The following ARL5A variants were observed in gnomAD, a reference collection of about 807,000 sequenced individuals.
ARL5A encodes ADP-ribosylation factor-like protein 5A.
In ARL5A, 18 loss-of-function variants were observed where a neutral mutation model predicts 25.9. The ratio of observed to expected loss-of-function variants is 0.69; its 90% CI spans 0.48 to 1.03. The LOEUF is 1.03. ARL5A is among the 50% of genes least tolerant of loss of function. The pLI is 0.00. For missense variants in ARL5A, 170 were observed against 211.9 expected (o/e 0.80, Z 1.23); for synonymous variants, 61 against 67.5 (o/e 0.90, Z 0.47).
Position 151,800,762 on chromosome 2 carries a change from T to C in ARL5A, c.*2514A>G, listed in dbSNP as rs565466130. 6 of 152,528 alleles carry C rather than the reference T, an allele frequency of 3.9e-5. No individual in the cohort carries two copies. Among genetic ancestry groups the C allele is most frequent in the African/African-American group, 1.4e-4 (6 of 41,598 alleles). The allele number at this position is 152,528 out of a possible 1,614,324, so 9.4% of individuals were successfully genotyped here. A position where few individuals can be genotyped will look rare whatever the true frequency, so the allele number is the denominator to read the frequency against. ...AAATGCTTATAGCATATGGTTACTT[T>C]TGCCCAGATATCAAAAGAAGTTACA... On this transcript the variant is annotated 3_prime_UTR_variant, in exon 6 of 6. Coordinates refer to ENST00000295087, the MANE Select transcript of ARL5A (RefSeq NM_012097.4).
chr2:151,820,328 T>C (rs1274289248), intron 1 of ARL5A, among the ~76,000 whole-genome samples: 4 of 152,004 alleles, frequency 2.6e-5, no homozygotes, highest in African/African-American at 7.2e-5. Context: ...GAAGGCACAC[T>C]GGAGAGAGAA....
At chr2:151,815,085 C>A in intron 2 of ARL5A, 54 bp downstream of exon 2, 1 of 1,371,352 alleles carries the variant, frequency 7.3e-7, no homozygotes, top group South Asian at 1.3e-5. Context: ...GACTATCACC[C>A]AGGCCAAAAA....
At chr2:151,804,331 G>A (rs2099829809) in intron 5 of ARL5A, among the ~76,000 whole-genome samples, 1 of 152,080 alleles carries the variant, frequency 6.6e-6, no homozygotes, top group Admixed American at 6.6e-5. Context: ...AGAGAGAAAT[G>A]GTTGTACACA....
chr2:151,814,320 G>T lies in ARL5A; in HGVS notation c.108-4C>A. ...ATGTACAACTTCATTCATAGAACTGGGGAAAAAAGTTTATATACATTACAA... is the reference window on the plus strand; with the variant it reads ...ATGTACAACTTCATTCATAGAACTGTGGAAAAAAGTTTATATACATTACAA... On this transcript the variant is annotated splice_region_variant and splice_polypyrimidine_tract_variant and intron_variant, in intron 2 of 5. Coordinates refer to ENST00000295087, the MANE Select transcript of ARL5A (RefSeq NM_012097.4). 1 of 1,521,444 alleles carries T rather than the reference G, an allele frequency of 6.6e-7. No individual in the cohort carries two copies. Among genetic ancestry groups the T allele is most frequent in the Non-Finnish European group, 8.8e-7 (1 of 1,138,694 alleles). 94.2% of individuals were successfully genotyped at this position (1,521,444 alleles called of 1,614,324 possible).
At chr2:151,823,923 A>G (rs1186474491) in intron 1 of ARL5A, among the ~76,000 whole-genome samples, 1 of 152,240 alleles carries the variant, frequency 6.6e-6, no homozygotes, top group Non-Finnish European at 1.5e-5. Context: ...CCGTCAAGAA[A>G]GCACACTATA....
intron 4 of ARL5A, among the ~76,000 whole-genome samples, chr2:151,807,440 T>C (rs1313371164): frequency 1.3e-5 from 2 of 152,184 alleles, no homozygotes; most frequent in African/African-American, 4.8e-5. Flanking sequence ...TCATTTCTCT[T>C]GCATGTATTT....
Position 151,828,114 on chromosome 2 carries a change from C to A in ARL5A, c.46+17G>T. On this transcript the variant is annotated intron_variant, in intron 1 of 5. Transcript: ENST00000295087. ...ACCCTCTCCCCAACCCGTACGCCCG[C>A]GGACCGAGCTCCTCACCCTGGTGAT... 6.2e-7 allele frequency: 1 copy of A among 1,607,528 alleles called. No individual in the cohort carries two copies. The highest frequency in any genetic ancestry group is 8.5e-7 in the Non-Finnish European group (1 of 1,176,896).
intron 3 of ARL5A, among the ~76,000 whole-genome samples, chr2:151,813,122 T>C (rs1267673545): frequency 6.6e-6 from 1 of 152,224 alleles, no homozygotes; most frequent in African/African-American, 2.4e-5. Context: ...GAGATTTAAC[T>C]TACTTACTTT....
intron 1 of ARL5A, among the ~76,000 whole-genome samples, chr2:151,816,135 G>A (rs1045698442): frequency 2.6e-5 from 4 of 152,112 alleles, no homozygotes; most frequent in Admixed American, 2.6e-4. Context: ...TTGCTGCCTG[G>A]CTGTCTTGGA....
intron 1 of ARL5A, among the ~76,000 whole-genome samples, chr2:151,825,330 C>A (rs1269548806): frequency 1.3e-5 from 2 of 152,134 alleles, no homozygotes; most frequent in Non-Finnish European, 2.9e-5. Flanking sequence ...TCAATCTCTT[C>A]TTTAAGAGAT....
At chr2:151,814,908 T>C (rs1417430719) in intron 2 of ARL5A, among the ~76,000 whole-genome samples, 1 of 152,098 alleles carries the variant, frequency 6.6e-6, no homozygotes, top group Non-Finnish European at 1.5e-5. Context: ...CAAAAGAGCT[T>C]TAGCACAAAA....
Position 151,803,186 on chromosome 2 carries a change from T to C in ARL5A, c.*90A>G. On this transcript the variant is annotated 3_prime_UTR_variant, in exon 6 of 6. Coordinates refer to ENST00000295087, the MANE Select transcript of ARL5A (RefSeq NM_012097.4). Reference sequence around the variant, plus strand: ...AGAAAAAGTTTAAATCAGTTTATTATAAATATATCTAAACCATTAATTTTT... The same window carrying C: ...AGAAAAAGTTTAAATCAGTTTATTACAAATATATCTAAACCATTAATTTTT... 1 of 848,034 alleles carries C rather than the reference T, an allele frequency of 1.2e-6. No individual in the cohort carries two copies. Among genetic ancestry groups the C allele is most frequent in the Non-Finnish European group, 1.8e-6 (1 of 546,208 alleles). The allele number at this position is 848,034 out of a possible 1,614,324, so 52.5% of individuals were successfully genotyped here.
chr2:151,822,152 C>A (rs1441714039), intron 1 of ARL5A, among the ~76,000 whole-genome samples: 2 of 152,014 alleles, frequency 1.3e-5, no homozygotes. Context: ...CGTGAATCAT[C>A]AGAAGTTTAC....
intron 1 of ARL5A, among the ~76,000 whole-genome samples, chr2:151,821,787 TTC>T (rs1491038547): frequency 8.7e-4 from 81 of 93,058 alleles, no homozygotes; most frequent in African/African-American, 3.3e-3. Flanking sequence ...TTTTTTTTTT[TTC>T]TTTTTTTTTT....
rs1553735381 is a variant in ARL5A at position 151,828,198 on chromosome 2, C to CCG, written c.-23_-22insCG. 5 of 1,600,546 alleles carry CCG rather than the reference C, an allele frequency of 3.1e-6. No homozygotes were observed. The highest frequency in any genetic ancestry group is 3.4e-5 in the Admixed American group (2 of 59,006). On this transcript the variant is annotated 5_prime_UTR_variant, in exon 1 of 6. Transcript: ENST00000295087. ...CCATTCTCGGGCAGCGGACCCCCCC[C>CCG]CTCCAGACACCCGGGCCGCCTGGCT...
chr2:151,818,315 G>A (rs968037243), intron 1 of ARL5A, among the ~76,000 whole-genome samples: 1 of 152,004 alleles, frequency 6.6e-6, no homozygotes, highest in Non-Finnish European at 1.5e-5. Flanking sequence ...TCTCACTCTT[G>A]CTGCCCAGGC....
In ARL5A at chr2:151,824,165, T is replaced by G. The variant is rs145000110; in HGVS notation, c.46+3966A>C. On this transcript the variant is annotated intron_variant, in intron 1 of 5. Transcript: ENST00000295087. Reference sequence around the variant, plus strand: ...CCATGCAAAGATTCTGTTTTTCACTTTCAGTACAGTATTCAATAAATTACA... The same window carrying G: ...CCATGCAAAGATTCTGTTTTTCACTGTCAGTACAGTATTCAATAAATTACA... 4.1e-3 allele frequency among the ~76,000 whole-genome samples: 621 copies of G among 152,340 alleles called. 3 individuals are homozygous for G. The highest frequency in any genetic ancestry group is 0.024 in the Middle Eastern group (7 of 294).
chr2:151,822,485 A>G (rs1289928036), intron 1 of ARL5A, among the ~76,000 whole-genome samples: 6 of 152,244 alleles, frequency 3.9e-5, no homozygotes, highest in Admixed American at 2.0e-4. Context: ...TCCTCTGAAC[A>G]TCCTTACTCT....
intron 2 of ARL5A, 96 bp from the exon 3 acceptor site, chr2:151,814,412 A>G (rs2099831231): frequency 4.3e-6 from 4 of 940,394 alleles, no homozygotes. Context: ...ACCTCCTTTT[A>G]TAATTTATAC....
Sources: gnomAD v4.1 joint callset for allele counts (sites outside exome capture counted in the v4.1 genomes callset) on GRCh38, gnomAD v4.1.1 for gene constraint, MANE v1.5 for transcripts, NCBI Gene and HGNC (gene_info 2026-07-23, HGNC 2026-07-21) for gene names.